The following ABHD2 variants were observed in gnomAD, a reference collection of about 807,000 sequenced individuals.
ABHD2 encodes the protein abhydrolase domain containing 2, acylglycerol lipase.
Under a neutral mutation model 48.1 loss-of-function variants are expected in ABHD2, and 20 were observed. The ratio of observed to expected loss-of-function variants is 0.42; its 90% CI spans 0.29 to 0.60. ABHD2 has a LOEUF of 0.60. Among genes scored for constraint, ABHD2 ranks in the 20% least tolerant of loss-of-function variants. The probability of loss-of-function intolerance (pLI) is 0.24; values close to 1 mark genes in which losing one functional copy is unlikely to be tolerated. For synonymous variants in ABHD2, 209 were observed against 214.2 expected, an observed-to-expected ratio of 0.98 and a Z score of 0.21; for missense variants, 405 against 550.9, an observed-to-expected ratio of 0.74 and a Z score of 2.65.
chr15:89,061,520 T>C, the ABHD2 span, among the ~76,000 whole-genome samples: 1 of 152,096 alleles, frequency 6.6e-6, no homozygotes, highest in Non-Finnish European at 1.5e-5. Context: ...ACAATATAAC[T>C]CATGTAATAA....
At chr15:89,084,209 T>A (rs1364684865), upstream of ABHD2, among the ~76,000 whole-genome samples, 2 of 138,790 alleles carry the variant, frequency 1.4e-5, no homozygotes, top group Admixed American at 7.2e-5. This position sits in a 1 kb window ranked among gnomAD's most constrained non-coding sequence, Gnocchi z 4.4. Context: ...TTTGCTAGTG[T>A]AAAAAAAAAA....
intron 3 of ABHD2, among the ~76,000 whole-genome samples, chr15:89,142,508 G>A (rs1455477950): frequency 1.3e-5 from 2 of 152,192 alleles, no homozygotes; most frequent in African/African-American, 4.8e-5. Flanking sequence ...AGATTCCAGT[G>A]GCATTTGCCT....
intron 5 of ABHD2, among the ~76,000 whole-genome samples, chr15:89,169,301 A>G (rs975911351): frequency 6.6e-6 from 1 of 152,136 alleles, no homozygotes; most frequent in African/African-American, 2.4e-5. Context: ...CCTACTCATT[A>G]TGTGAGGGTG....
chr15:89,201,630 C>T lies in ABHD2; in HGVS notation c.*6207C>T, dbSNP rs909855634. The T allele has an allele frequency of 1.9e-5, 30 of 1,591,918 alleles. No individual in the cohort carries two copies. The highest frequency in any genetic ancestry group is 1.1e-4 in the African/African-American group (8 of 74,436). ...TCCACTGTTGGGCCTCACACAGTAC[C>T]GGTGAGGCACGGTAGTCTTCACTTT... is the stretch of plus-strand genomic sequence containing the variant. On this transcript the variant is annotated 3_prime_UTR_variant, in exon 11 of 11. Coordinates refer to ENST00000352732, the MANE Select transcript of ABHD2 (RefSeq NM_152924.5).
At chr15:89,147,119 TTTAA>T (rs1304211865) in intron 3 of ABHD2, among the ~76,000 whole-genome samples, 1 of 152,110 alleles carries the variant, frequency 6.6e-6, no homozygotes, top group African/African-American at 2.4e-5. Context: ...AATCTAAATA[TTTAA>T]TTGAGAACTT....
chr15:89,160,212 C>A (rs76833289), intron 5 of ABHD2, among the ~76,000 whole-genome samples: 49 of 152,292 alleles, frequency 3.2e-4, no homozygotes, highest in African/African-American at 1.1e-3. Context: ...GAGCAAAGCC[C>A]GTGTTTGTTA....
In ABHD2 at chr15:89,127,706, CATATATATATATACACAT is replaced by C. The variant is rs1371966414; in HGVS notation, c.194+11199_194+11216del. On this transcript the variant is annotated intron_variant, in intron 3 of 10. Transcript: ENST00000352732. ...TCTTCTCAGTGAATATATATATATA[CATATATATATATACACAT>C]ATATATATATATATATGTATATTTT... Among the ~76,000 whole-genome samples the C allele has an allele frequency of 6.6e-4, 86 of 129,642 alleles. 1 individual carries two copies. Among genetic ancestry groups the C allele is most frequent in the African/African-American group, 3.0e-3 (84 of 27,700 alleles). 85.1% of individuals were successfully genotyped at this position (129,642 alleles called of 152,430 possible).
At chr15:89,060,083 C>CTTTTTTT in the ABHD2 span, among the ~76,000 whole-genome samples, 1 of 77,574 alleles carries the variant, frequency 1.3e-5, no homozygotes, top group Non-Finnish European at 2.4e-5. Context: ...ACTCCAAGGC[C>CTTTTTTT]TTTTTTTTTT....
At chr15:89,058,000 G>C in the ABHD2 span, among the ~76,000 whole-genome samples, 1 of 152,172 alleles carries the variant, frequency 6.6e-6, no homozygotes, top group Non-Finnish European at 1.5e-5. Flanking sequence ...ACCAACATTT[G>C]TGGGGCGCCA....
At chr15:89,061,343 G>T in the ABHD2 span, among the ~76,000 whole-genome samples, 7 of 151,978 alleles carry the variant, frequency 4.6e-5, no homozygotes, top group Non-Finnish European at 7.4e-5. Flanking sequence ...GCTTGAACCC[G>T]GGAGGTAGAT....
At chr15:89,171,678 A>G (rs376364907) in intron 5 of ABHD2, among the ~76,000 whole-genome samples, 5 of 152,146 alleles carry the variant, frequency 3.3e-5, no homozygotes, top group African/African-American at 1.2e-4. Context: ...CCATCTGTGA[A>G]GGTTGTTTAC....
the ABHD2 span, among the ~76,000 whole-genome samples, chr15:89,072,086 G>T: frequency 2.0e-5 from 3 of 152,154 alleles, no homozygotes; most frequent in Admixed American, 6.5e-5. Flanking sequence ...TTTTTGAGGA[G>T]AACAAAAATG....
chr15:89,176,086 G>A lies in ABHD2; in HGVS notation c.722+91G>A, dbSNP rs186981362. The A allele has an allele frequency of 7.3e-4, 993 of 1,354,562 alleles. 11 individuals are homozygous for A. In the African/African-American group the frequency reaches 0.013, roughly 18 times the overall value. The allele number at this position is 1,354,562 out of a possible 1,614,324, so 83.9% of individuals were successfully genotyped here. On this transcript the variant is annotated intron_variant, in intron 6 of 10. Transcript: ENST00000352732. This position sits in a 1 kb window ranked among gnomAD's most constrained non-coding sequence, Gnocchi z 4.5. The stretch of plus-strand genomic sequence containing the variant: ...ACAACACACTGTTCTGTGAAGACCG[G>A]GGAACACTGTGGCCGACTGAGTAGA...
the ABHD2 span, among the ~76,000 whole-genome samples, chr15:89,060,200 C>T: frequency 6.7e-6 from 1 of 148,930 alleles, no homozygotes; most frequent in African/African-American, 2.5e-5. Context: ...AAGCAATTCT[C>T]CTGTCTCAGC....
At chr15:89,098,280 A>C (rs577444674) in intron 1 of ABHD2, among the ~76,000 whole-genome samples, 11 of 152,280 alleles carry the variant, frequency 7.2e-5, no homozygotes, top group African/African-American at 2.6e-4. Flanking sequence ...AGGGACATAC[A>C]ATATTCCTAG....
At position 89,179,100 on chromosome 15, in the gene ABHD2, A is replaced by C. The variant is rs2051065020; in HGVS notation, c.722+3105A>C. Among the ~76,000 whole-genome samples, 1 of 152,244 alleles carries C rather than the reference A, an allele frequency of 6.6e-6. No homozygotes were observed. The highest frequency in any genetic ancestry group is 1.5e-5 in the Non-Finnish European group (1 of 68,040). ...CATGTTACTAAGATATTACACATTT[A>C]GGCATATGGGTGCCAAGGAGGTCCT... On this transcript the variant is annotated intron_variant, in intron 6 of 10. Coordinates refer to ENST00000352732, the MANE Select transcript of ABHD2 (RefSeq NM_152924.5). This position sits in a 1 kb window ranked among gnomAD's most constrained non-coding sequence, Gnocchi z 4.3.
At chr15:89,128,410 T>C (rs1400183714) in intron 3 of ABHD2, among the ~76,000 whole-genome samples, 1 of 152,224 alleles carries the variant, frequency 6.6e-6, no homozygotes, top group Non-Finnish European at 1.5e-5. Flanking sequence ...CCTGTGGGCC[T>C]TCCAACCAGT....
chr15:89,086,837 G>C (rs552064205), upstream of ABHD2, among the ~76,000 whole-genome samples: 1 of 152,322 alleles, frequency 6.6e-6, no homozygotes, highest in South Asian at 2.1e-4. Flanking sequence ...GAGTCAGGAC[G>C]ATGGGGTTCA....
In ABHD2 at chr15:89,198,571, T is replaced by C. The variant is rs1257747376; in HGVS notation, c.*3148T>C. On this transcript the variant is annotated 3_prime_UTR_variant, in exon 11 of 11. Transcript: ENST00000352732. The surrounding 1 kb of genome is among the most constrained non-coding windows in gnomAD (Gnocchi z 5.1). ...CATTTTACACTTACTGGGAACCTTA[T>C]GATTCACCGTAAGAGTGGAAATATA... 2 of 152,252 alleles carry C rather than the reference T, an allele frequency of 1.3e-5. No individual in the cohort carries two copies. Among genetic ancestry groups the C allele is most frequent in the South Asian group, 2.1e-4 (1 of 4,830 alleles). The allele number at this position is 152,252 out of a possible 1,614,324, so 9.4% of individuals were successfully genotyped here.
Sources: allele counts gnomAD v4.1 joint callset (sites outside exome capture counted in the v4.1 genomes callset), GRCh38; gene constraint gnomAD v4.1.1; non-coding constraint Gnocchi (gnomAD v3.1); transcripts MANE v1.5; gene names NCBI Gene and HGNC (gene_info 2026-07-23, HGNC 2026-07-21).